The following TRIML1 variants were observed in gnomAD, a reference collection of about 807,000 sequenced individuals.
TRIML1 encodes tripartite motif family like 1, also known as probable E3 ubiquitin-protein ligase TRIML1.
Under a neutral mutation model 32.3 loss-of-function variants are expected in TRIML1, and 34 were observed. That is an observed-to-expected ratio of 1.05 (90% CI 0.80 to 1.40). TRIML1 has a LOEUF of 1.40. TRIML1 is among the 40% of genes most tolerant of loss of function. The probability of loss-of-function intolerance (pLI) is 0.00; values close to 1 mark genes in which losing one functional copy is unlikely to be tolerated. For missense variants in TRIML1, 595 were observed against 574.9 expected (o/e 1.03, Z -0.36); for synonymous variants, 244 against 226.6 (o/e 1.08, Z -0.69).
chr4:188,145,610 G>T (rs572311609), intron 5 of TRIML1, among the ~76,000 whole-genome samples: 81 of 151,954 alleles, frequency 5.3e-4, no homozygotes, highest in African/African-American at 1.8e-3. Context: ...ATCACCCGAG[G>T]TCGGGAGTTT....
At chr4:188,149,834 G>T (rs1193276873), downstream of TRIML1, among the ~76,000 whole-genome samples, 1 of 152,074 alleles carries the variant, frequency 6.6e-6, no homozygotes, top group Non-Finnish European at 1.5e-5. Context: ...GATGGAGTCT[G>T]GCTCTCTCGC....
rs376112585 is a variant in TRIML1 at position 188,140,627 on chromosome 4, G to A, written c.504+4G>A. ...GGAGAGAGTGAAACTGTGCCAGGTC[G>A]GTGTCTGTCTGACTTTTGCTGCTTG... is the stretch of plus-strand genomic sequence containing the variant. On this transcript the variant is annotated splice_donor_region_variant and intron_variant, in intron 2 of 5. Transcript: ENST00000332517. The A allele has an allele frequency of 3.8e-5, 62 of 1,610,738 alleles. No homozygotes were observed. The Middle Eastern group carries it at 5.0e-4, about 13-fold the overall frequency.
chr4:188,144,826 A>C (rs985462798), intron 5 of TRIML1, among the ~76,000 whole-genome samples: 15 of 152,140 alleles, frequency 9.9e-5, no homozygotes, highest in Admixed American at 4.6e-4. Context: ...GCATTCAACG[A>C]ACTGTCCTTG....
intron 5 of TRIML1, among the ~76,000 whole-genome samples, chr4:188,144,517 C>T (rs1162040841): frequency 5.0e-5 from 7 of 139,670 alleles, no homozygotes; most frequent in African/African-American, 1.3e-4. Flanking sequence ...CGCCCGCCAC[C>T]ACGCCTGGGT....
chr4:188,145,792 G>C (rs551442861), intron 5 of TRIML1, among the ~76,000 whole-genome samples: 1 of 152,170 alleles, frequency 6.6e-6, no homozygotes, highest in East Asian at 1.9e-4. Context: ...GTCCAGGCTG[G>C]GCAACAAGAG....
Position 188,144,105 on chromosome 4 carries a change from A to G in TRIML1, c.828A>G (p.Gly276=), listed in dbSNP as rs757944235. Residue 276 remains glycine, a synonymous_variant, in exon 5 of 6, where the codon GGA becomes GGG. Transcript: ENST00000332517. ...TTELSLCRIT[G]MKEMLRKFST... The stretch of plus-strand genomic sequence containing the variant: ...AGCTGAGTCTGTGCCGCATCACGGG[A>G]ATGAAGGAGATGCTAAGAAAATTCA... 1.7e-5 allele frequency: 27 copies of G among 1,613,932 alleles called. No individual in the cohort carries two copies. Among genetic ancestry groups the G allele is most frequent in the Non-Finnish European group, 2.2e-5 (26 of 1,180,004 alleles).
rs147049670 is a variant in TRIML1, at chr4:188,142,348, G to T, written c.601G>T (p.Glu201Ter). The T allele has an allele frequency of 1.2e-6, 2 of 1,613,380 alleles. No individual in the cohort carries two copies. ...GGAGCAGCTGCAACTCCAGCTACTA[G>T]AACAGGAAGAGAAAGAGAACATGAG... is the stretch of plus-strand genomic sequence containing the variant. ...EEEQLQLQLL[E>*]QEEKENMRKL... Residue 201 changes from glutamate (E) to a stop codon, truncating the protein, a stop_gained, in exon 3 of 6, where the codon GAA becomes TAA. Coordinates refer to ENST00000332517, the MANE Select transcript of TRIML1 (RefSeq NM_178556.5). LOFTEE classifies it high-confidence loss of function.
chr4:188,149,308 T>G (rs1735190519), downstream of TRIML1, among the ~76,000 whole-genome samples: 1 of 152,014 alleles, frequency 6.6e-6, no homozygotes, highest in South Asian at 2.1e-4. Context: ...CTCTCATCTC[T>G]CAGATAAGCC....
At chr4:188,139,046 A>G (rs1460636188), upstream of TRIML1, among the ~76,000 whole-genome samples, 1 of 152,186 alleles carries the variant, frequency 6.6e-6, no homozygotes, top group East Asian at 1.9e-4. Context: ...TATGTATTAC[A>G]GTTTTCTTCT....
chr4:188,149,406 T>C (rs1308782652), downstream of TRIML1, among the ~76,000 whole-genome samples: 5 of 152,156 alleles, frequency 3.3e-5, no homozygotes, highest in African/African-American at 9.7e-5. Flanking sequence ...AAAATGTTTA[T>C]CAGAGTTTTG....
upstream of TRIML1, chr4:188,139,339 G>A: frequency 9.2e-6 from 4 of 433,094 alleles, no homozygotes; most frequent in Non-Finnish European, 1.2e-5. Context: ...GGTTGGTGAG[G>A]AGCCCAGTAT....
chr4:188,145,510 G>A (rs965996118), intron 5 of TRIML1, among the ~76,000 whole-genome samples: 3 of 140,140 alleles, frequency 2.1e-5, no homozygotes, highest in Non-Finnish European at 4.5e-5. Flanking sequence ...ACCTGATCTT[G>A]TCTGGACAGT....
chr4:188,150,304 T>C (rs1735217305), downstream of TRIML1, among the ~76,000 whole-genome samples: 1 of 151,462 alleles, frequency 6.6e-6, no homozygotes, highest in Non-Finnish European at 1.5e-5. Context: ...AATTTTTGTA[T>C]TTTTAATAGA....
At chr4:188,148,187 C>A (rs1291776392), downstream of TRIML1, among the ~76,000 whole-genome samples, 1 of 152,116 alleles carries the variant, frequency 6.6e-6, no homozygotes, top group Non-Finnish European at 1.5e-5. Context: ...AGCCTACCCT[C>A]TTCTTATCTC....
At chr4:188,149,680 C>A (rs1182731671), downstream of TRIML1, among the ~76,000 whole-genome samples, 2 of 152,096 alleles carry the variant, frequency 1.3e-5, no homozygotes, top group Admixed American at 6.6e-5. Flanking sequence ...TAATTCCCAC[C>A]CTGAATTCAG....
chr4:188,150,249 C>A (rs958585928), downstream of TRIML1, among the ~76,000 whole-genome samples: 2 of 152,076 alleles, frequency 1.3e-5, no homozygotes, highest in Non-Finnish European at 2.9e-5. Context: ...GCCTCAGCCT[C>A]CTGAGTAGCT....
chr4:188,139,569 C>A lies in TRIML1; in HGVS notation c.11C>A (p.Ala4Glu), dbSNP rs1485466944. Residue 4 changes from alanine (A) to glutamate (E), a missense_variant, in exon 1 of 6, where the codon GCA (alanine) becomes GAA (glutamate). By Grantham distance (107) the Ala-to-Glu change is moderately radical (BLOSUM62 -1). Coordinates refer to ENST00000332517, the MANE Select transcript of TRIML1 (RefSeq NM_178556.5). MST[A>E]DLMENLREEL... Reference sequence around the variant, plus strand: ...TCCAGCCTCGAGAAAATGTCTACAGCAGATCTGATGGAGAACCTCAGGGAG... The same window carrying A: ...TCCAGCCTCGAGAAAATGTCTACAGAAGATCTGATGGAGAACCTCAGGGAG... The A allele has an allele frequency of 1.9e-6, 3 of 1,586,422 alleles. No individual in the cohort carries two copies. The highest frequency in any genetic ancestry group is 2.6e-6 in the Non-Finnish European group (3 of 1,163,912).
At chr4:188,145,478 T>TAAAAAAAAAA (rs1735040954) in intron 5 of TRIML1, among the ~76,000 whole-genome samples, 3 of 11,024 alleles carry the variant, frequency 2.7e-4, no homozygotes, top group Non-Finnish European at 6.0e-4. Context: ...AAAAAAAAAG[T>TAAAAAAAAAA]CAGAAATGGA....
At chr4:188,140,850 C>T (rs926860626) in intron 2 of TRIML1, 13 of 423,098 alleles carry the variant, frequency 3.1e-5, no homozygotes, top group Admixed American at 7.7e-5. Context: ...AACTAGACAA[C>T]GCTGTGGCTT....
Sources: allele counts gnomAD v4.1 joint callset (sites outside exome capture counted in the v4.1 genomes callset), GRCh38; gene constraint gnomAD v4.1.1; transcripts MANE v1.5; gene names NCBI Gene and HGNC (gene_info 2026-07-23, HGNC 2026-07-21).